DHRS2: variants seen among roughly 807,000 people sequenced by gnomAD.
DHRS2 encodes the protein dehydrogenase/reductase SDR family member 2, mitochondrial.
DHRS2 carries 29 observed loss-of-function variants against 26.3 expected under a neutral mutation model. The ratio of observed to expected loss-of-function variants is 1.10; its 90% CI spans 0.82 to 1.50. The LOEUF is 1.50. Ranked by LOEUF, DHRS2 falls within the 40% of genes most tolerant of loss-of-function variation. The pLI is 0.00. For synonymous variants in DHRS2, 164 were observed against 151.3 expected (o/e 1.08, Z -0.62); for missense variants, 439 against 367.1 (o/e 1.20, Z -1.60).
chr14:23,642,592 G>C (rs1423002104), intron 4 of DHRS2: 1 of 152,792 alleles, frequency 6.5e-6, no homozygotes, highest in Non-Finnish European at 1.5e-5. Flanking sequence ...TAAGAGACAG[G>C]GTCTCACTCT....
chr14:23,641,610 C>T, intron 4 of DHRS2: 1 of 1,289,290 alleles, frequency 7.8e-7, no homozygotes, highest in Non-Finnish European at 1.0e-6. Context: ...TGGTTGGGGT[C>T]TGTTTTGACC....
intron 1 of DHRS2, chr14:23,638,562 G>A: frequency 3.0e-6 from 1 of 329,476 alleles, no homozygotes; most frequent in Non-Finnish European, 5.7e-6. Flanking sequence ...TGTTTGCTAT[G>A]CAATGGATGG....
chr14:23,634,007 C>T (rs1890190312), upstream of DHRS2, among the ~76,000 whole-genome samples: 1 of 147,662 alleles, frequency 6.8e-6, no homozygotes, highest in African/African-American at 2.5e-5. Context: ...GCATCACTTG[C>T]TTATCAAATA....
rs1189099130 is a variant in DHRS2 at position 23,644,232 on chromosome 14, C to T, written c.540+70C>T. ...GCAACTTTGTTCTTTTCCTCAGAGC[C>T]TTACAGACAAAGTGCCTGGGACAGA... On this transcript the variant is annotated intron_variant, in intron 6 of 8. Coordinates refer to ENST00000250383, the MANE Select transcript of DHRS2 (RefSeq NM_005794.4). 6 of 1,587,704 alleles carry T rather than the reference C, an allele frequency of 3.8e-6. No individual in the cohort carries two copies. In the African/African-American group the frequency reaches 5.4e-5, roughly 14 times the overall value.
At chr14:23,632,840 A>G (rs1890158937), upstream of DHRS2, among the ~76,000 whole-genome samples, 1 of 152,208 alleles carries the variant, frequency 6.6e-6, no homozygotes, top group African/African-American at 2.4e-5. Context: ...CTTGGCCCAG[A>G]GCTGCCAGAG....
At chr14:23,639,715 G>C (rs905443289) in intron 3 of DHRS2, 79 bp from the exon 4 acceptor site, 53 of 1,425,820 alleles carry the variant, frequency 3.7e-5, no homozygotes, top group Middle Eastern at 3.7e-4. Flanking sequence ...TTTGCCTGAA[G>C]GCCTTATGAC....
Position 23,638,988 on chromosome 14 carries a change from A to G in DHRS2, c.124A>G (p.Thr42Ala). The G allele has an allele frequency of 1.2e-6, 2 of 1,613,368 alleles. No homozygotes were observed. Among genetic ancestry groups the G allele is most frequent in the African/African-American group, 2.7e-5 (2 of 75,036 alleles). ...GVLANRVAVV[T>A]GSTSGIGFAI... ...CCTGGCTAACCGGGTAGCCGTGGTC[A>G]CGGGGTCCACCAGTGGGTGAGTGCT... Residue 42 changes from threonine (T) to alanine (A), a missense_variant, in exon 2 of 9, where the codon ACG becomes GCG. Coordinates refer to ENST00000250383, the MANE Select transcript of DHRS2 (RefSeq NM_005794.4).
upstream of DHRS2, among the ~76,000 whole-genome samples, chr14:23,634,356 C>T (rs1417102680): frequency 6.6e-6 from 1 of 152,058 alleles, no homozygotes; most frequent in Non-Finnish European, 1.5e-5. Context: ...CATGAGCCAC[C>T]GTGCCTAGCC....
At chr14:23,642,030 G>A (rs752435200) in intron 4 of DHRS2, 167 of 1,102,496 alleles carry the variant, frequency 1.5e-4, no homozygotes, top group African/African-American at 6.2e-4. Flanking sequence ...CTTCTCCCCC[G>A]TTCCCAGACC....
At chr14:23,641,512 G>A in intron 4 of DHRS2, 8 of 1,021,926 alleles carry the variant, frequency 7.8e-6, no homozygotes, top group Non-Finnish European at 1.0e-5. Flanking sequence ...CTTTGGCTTG[G>A]TTTTTGTTCC....
intron 4 of DHRS2, chr14:23,641,046 A>T (rs1343341964): frequency 2.6e-5 from 4 of 152,362 alleles, no homozygotes; most frequent in African/African-American, 9.7e-5. Context: ...ACTTTCTCTG[A>T]TTCTCCCCTG....
In DHRS2 at chr14:23,645,274, T is replaced by C. The variant is rs7156794; in HGVS notation, c.*21T>C. 0.02 allele frequency: 32,691 copies of C among 1,613,774 alleles called. 5,519 individuals are homozygous for C. In the African/African-American group the frequency reaches 0.37, roughly 18 times the overall value. ...TCTGAGAGGAGTGGGGGCGGCTGCG[T>C]AGCTGTGGTCCCAGGCCCAGGAGCC... On this transcript the variant is annotated 3_prime_UTR_variant, in exon 9 of 9. Transcript: ENST00000250383.
chr14:23,644,877 G>A lies in DHRS2; in HGVS notation c.726G>A (p.Leu242=), dbSNP rs751533176. 10 of 1,614,216 alleles carry A rather than the reference G, an allele frequency of 6.2e-6. No individual in the cohort carries two copies. The Admixed American group carries it at 1.7e-4, about 27-fold the overall frequency. Reference sequence around the variant, plus strand: ...AGAACTTCAAGGAACATCATCAGCTGCAGAGGCAAGTGGGGTTTGGAGATT... The same window carrying A: ...AGAACTTCAAGGAACATCATCAGCTACAGAGGCAAGTGGGGTTTGGAGATT... ...LWKNFKEHHQ[L]QRIGESEDCA... is the part of the protein sequence containing the mutation. The change falls in exon 8 of 9, where the codon CTG becomes CTA. Residue 242 remains leucine (L), a synonymous_variant. Coordinates refer to ENST00000250383, the MANE Select transcript of DHRS2 (RefSeq NM_005794.4).
At chr14:23,638,585 T>G in intron 1 of DHRS2, 1 of 373,014 alleles carries the variant, frequency 2.7e-6, no homozygotes, top group Admixed American at 4.3e-5. Context: ...AAATCACCCT[T>G]GTCTAATGAA....
At position 23,630,982 on chromosome 14, in the gene DHRS2, T is replaced by A. The variant is rs1890103167; in HGVS notation, c.-39+747T>A. Among the ~76,000 whole-genome samples, 3 of 152,212 alleles carry A rather than the reference T, an allele frequency of 2.0e-5. No individual in the cohort carries two copies. The South Asian group carries it at 6.2e-4, about 32-fold the overall frequency. The stretch of plus-strand genomic sequence containing the variant: ...GCCTCCAGGTAGTAGGCATCATAGA[T>A]AATAGATTGTAAATATTTTTTATCA... On this transcript the variant is annotated intron_variant, in intron 1 of 6. Transcript: ENST00000432832.
rs963357432 is a variant in DHRS2 at position 23,644,505 on chromosome 14, G to A, written c.637G>A (p.Val213Met). ...CCCCAAGGACATCCGGGTAAACTGCGTGGTTCCAGGAATTATCAAAACTGA... is the reference window on the plus strand; with the variant it reads ...CCCCAAGGACATCCGGGTAAACTGCATGGTTCCAGGAATTATCAAAACTGA... ...LAPKDIRVNCVVPGIIKTDFS... is the reference protein window; with the variant it reads ...LAPKDIRVNCMVPGIIKTDFS... The change falls in exon 7 of 9, where the codon GTG becomes ATG. Residue 213 changes from valine (V) to methionine (M), a missense_variant. Transcript: ENST00000250383. 24 of 1,614,110 alleles carry A rather than the reference G, an allele frequency of 1.5e-5. No homozygotes were observed. Among genetic ancestry groups the A allele is most frequent in the African/African-American group, 8.0e-5 (6 of 74,936 alleles).
chr14:23,630,566 C>G (rs1356057548), intron 1 of DHRS2, among the ~76,000 whole-genome samples: 1 of 152,220 alleles, frequency 6.6e-6, no homozygotes, highest in Non-Finnish European at 1.5e-5. Context: ...CTCCTTAGTG[C>G]TGATGAAAAA....
At position 23,645,386 on chromosome 14, in the gene DHRS2, G is replaced by A. The variant is rs1890838969; in HGVS notation, c.*133G>A. On this transcript the variant is annotated 3_prime_UTR_variant, in exon 9 of 9. Transcript: ENST00000250383. ...GCAATTTGGGGGCTTACTCATGCTAGGCTTGAGGAAGAAGAAAAACGCTTC... is the reference window on the plus strand; with the variant it reads ...GCAATTTGGGGGCTTACTCATGCTAAGCTTGAGGAAGAAGAAAAACGCTTC... 6.5e-7 allele frequency: 1 copy of A among 1,550,152 alleles called. No homozygotes were observed. The highest frequency in any genetic ancestry group is 1.2e-5 in the South Asian group (1 of 86,140).
chr14:23,643,082 T>A, intron 4 of DHRS2, 70 bp from the exon 5 acceptor site: 1 of 1,500,930 alleles, frequency 6.7e-7, no homozygotes, highest in South Asian at 1.1e-5. Flanking sequence ...GGGCTCCAAG[T>A]GTCTTATGAG....
Sources: allele counts gnomAD v4.1 joint callset (sites outside exome capture counted in the v4.1 genomes callset), GRCh38; gene constraint gnomAD v4.1.1; transcripts MANE v1.5; gene names NCBI Gene and HGNC (gene_info 2026-07-23, HGNC 2026-07-21).